The following TRMU variants were observed in gnomAD, a reference collection of about 807,000 sequenced individuals.
The protein encoded by TRMU is mitochondrial tRNA-specific 2-thiouridylase 1.
TRMU carries 49 observed loss-of-function variants against 46.9 expected under a neutral mutation model. The observed-to-expected ratio is 1.05, with a 90% CI of 0.83 to 1.33. TRMU has a LOEUF of 1.33. TRMU is among the 40% of genes most tolerant of loss of function. The probability of loss-of-function intolerance (pLI) is 0.00; values close to 1 mark genes in which losing one functional copy is unlikely to be tolerated. For synonymous variants in TRMU, 241 were observed against 200.9 expected (o/e 1.20, Z -1.69); for missense variants, 572 against 532.4 (o/e 1.07, Z -0.73).
Position 46,337,955 on chromosome 22 carries a change from G to A in TRMU, c.248+11G>A. On this transcript the variant is annotated intron_variant, in intron 2 of 10. Coordinates refer to ENST00000645190, the MANE Select transcript of TRMU (RefSeq NM_018006.5). ...GAATGATGTGTTCAGGTGAGTGCGG[G>A]TCACAGCACAAAGGAAGCTTCCTCA... 6.2e-7 allele frequency: 1 copy of A among 1,613,858 alleles called. No homozygotes were observed. Among genetic ancestry groups the A allele is most frequent in the Non-Finnish European group, 8.5e-7 (1 of 1,179,962 alleles).
intron 3 of TRMU, among the ~76,000 whole-genome samples, chr22:46,345,353 C>T (rs545051697): frequency 9.2e-5 from 14 of 152,314 alleles, no homozygotes; most frequent in Admixed American, 5.9e-4. Flanking sequence ...GGATGACAGG[C>T]GTGAGCCGCT....
At position 46,356,979 on chromosome 22, in the gene TRMU, T is replaced by C. The variant is rs758409354; in HGVS notation, c.1239T>C (p.Asp413=). Residue 413 remains aspartate (D), a synonymous_variant, in exon 11 of 11, where the codon GAT becomes GAC. Transcript: ENST00000645190. ...AGAGCCCCAGTGACAGCCCAGAAGATGGTCCAGGCCTGAGTCCCTTGCTCT... is the reference window on the plus strand; with the variant it reads ...AGAGCCCCAGTGACAGCCCAGAAGACGGTCCAGGCCTGAGTCCCTTGCTCT... ...ATESPSDSPE[D]GPGLSPLL is the part of the protein sequence containing the mutation. 1.2e-6 allele frequency: 2 copies of C among 1,613,434 alleles called. No individual in the cohort carries two copies. The highest frequency in any genetic ancestry group is 1.1e-5 in the South Asian group (1 of 91,092).
intron 8 of TRMU, 85 bp downstream of exon 8, chr22:46,353,952 C>G: frequency 7.6e-7 from 1 of 1,314,154 alleles, no homozygotes; most frequent in Non-Finnish European, 1.1e-6. Context: ...GAGAAGGCCT[C>G]CAGCAGCCGT....
rs542680643 is a variant in TRMU at position 46,341,773 on chromosome 22, GC to G, written c.249-1488del. ...TCCCATGTTCAGTCAGTCTGTTAGAGCAGAAGTTCACTGAATTAGGATAGCC... is the reference window on the plus strand; with the variant it reads ...TCCCATGTTCAGTCAGTCTGTTAGAGAGAAGTTCACTGAATTAGGATAGCC... On this transcript the variant is annotated intron_variant, in intron 2 of 10. Coordinates refer to ENST00000645190, the MANE Select transcript of TRMU (RefSeq NM_018006.5). Among the ~76,000 whole-genome samples, 941 of 152,346 alleles carry G rather than the reference GC, an allele frequency of 6.2e-3. 13 individuals carry two copies. Among genetic ancestry groups the G allele is most frequent in the African/African-American group, 0.022 (902 of 41,574 alleles).
Position 46,348,084 on chromosome 22 carries a change from G to A in TRMU, c.478+1540G>A, listed in dbSNP as rs768600213. 9.9e-5 allele frequency among the ~76,000 whole-genome samples: 15 copies of A among 151,652 alleles called. No individual in the cohort carries two copies. Among genetic ancestry groups the A allele is most frequent in the Non-Finnish European group, 2.1e-4 (14 of 67,874 alleles). Reference sequence around the variant, plus strand: ...CATGGGTTTGAATGCAGATAAGACAGCCCCCCATTTCAGGAAGACATGGGT... The same window carrying A: ...CATGGGTTTGAATGCAGATAAGACAACCCCCCATTTCAGGAAGACATGGGT... On this transcript the variant is annotated intron_variant, in intron 4 of 10. Transcript: ENST00000645190. The surrounding 1 kb of genome is among the most constrained non-coding windows in gnomAD (Gnocchi z 4.8).
chr22:46,346,314 A>G lies in TRMU; in HGVS notation c.356-108A>G, dbSNP rs1279530145. The G allele has an allele frequency of 3.6e-6, 5 of 1,396,924 alleles. No homozygotes were observed. The African/African-American group carries it at 5.8e-5, about 16-fold the overall frequency. The allele number at this position is 1,396,924 out of a possible 1,614,324, so 86.5% of individuals were successfully genotyped here. A position where few individuals can be genotyped will look rare whatever the true frequency, so the allele number is the denominator to read the frequency against. On this transcript the variant is annotated intron_variant, in intron 3 of 10. Transcript: ENST00000645190. ...TGCAGGGTGGATTGTGCAGCCCCTC[A>G]GCCTAAGACTTGGGGTCTATACTCT...
rs1340331430 is a variant in TRMU at position 46,342,685 on chromosome 22, C to T, written c.249-577C>T. On this transcript the variant is annotated intron_variant, in intron 2 of 10. Transcript: ENST00000645190. The surrounding 1 kb of genome is among the most constrained non-coding windows in gnomAD (Gnocchi z 4.7). ...AGAAAAGGTTGCAGTGGGCCAGGTG[C>T]GGTGGCTCACGCCTCTAATTCCAGC... is the stretch of plus-strand genomic sequence containing the variant. Among the ~76,000 whole-genome samples the T allele has an allele frequency of 6.6e-6, 1 of 152,186 alleles. No individual in the cohort carries two copies. Among genetic ancestry groups the T allele is most frequent in the Non-Finnish European group, 1.5e-5 (1 of 68,034 alleles).
rs576117974 is a variant in TRMU, at chr22:46,354,898, AGGGGCCTCAGAACCAACCTAGGGTATCT to A, written c.874-539_874-512del. 1,373 of 163,308 alleles carry A rather than the reference AGGGGCCTCAGAACCAACCTAGGGTATCT, an allele frequency of 8.4e-3. 12 individuals carry two copies. The highest frequency in any genetic ancestry group is 0.015 in the Non-Finnish European group (1,117 of 74,862). 10.1% of individuals were successfully genotyped at this position (163,308 alleles called of 1,614,324 possible). On this transcript the variant is annotated intron_variant, in intron 8 of 10. Coordinates refer to ENST00000645190, the MANE Select transcript of TRMU (RefSeq NM_018006.5). The stretch of plus-strand genomic sequence containing the variant: ...AGGCCATGGGTGGGTGACAGGGAGC[AGGGGCCTCAGAACCAACCTAGGGTATCT>A]GGGGCCCCCCAGACCAGGGCCAGTC...
chr22:46,345,466 C>T (rs2078228452), intron 3 of TRMU, among the ~76,000 whole-genome samples: 1 of 152,172 alleles, frequency 6.6e-6, no homozygotes, highest in South Asian at 2.1e-4. Flanking sequence ...AAAGAAGAAA[C>T]AGTGTGCTGG....
Position 46,349,079 on chromosome 22 carries a change from C to T in TRMU, c.479-1212C>T, listed in dbSNP as rs1174157292. Among the ~76,000 whole-genome samples, 1 of 151,896 alleles carries T rather than the reference C, an allele frequency of 6.6e-6. No individual in the cohort carries two copies. The highest frequency in any genetic ancestry group is 6.6e-5 in the Admixed American group (1 of 15,256). Reference sequence around the variant, plus strand: ...ACTTGAACCCAGGAGGCGGAGATTGCCGTGAGCCGAGATGTGCCACTGCAC... The same window carrying T: ...ACTTGAACCCAGGAGGCGGAGATTGTCGTGAGCCGAGATGTGCCACTGCAC... On this transcript the variant is annotated intron_variant, in intron 4 of 10. Coordinates refer to ENST00000645190, the MANE Select transcript of TRMU (RefSeq NM_018006.5). This position sits in a 1 kb window ranked among gnomAD's most constrained non-coding sequence, Gnocchi z 4.6.
intron 3 of TRMU, among the ~76,000 whole-genome samples, chr22:46,344,752 T>C (rs1221376575): frequency 6.6e-6 from 1 of 152,238 alleles, no homozygotes; most frequent in Non-Finnish European, 1.5e-5. Flanking sequence ...ACGCCCAGAC[T>C]TCTGAACTCA....
intron 1 of TRMU, 49 bp from the exon 2 acceptor site, chr22:46,337,722 GCCGTTTTA>G: frequency 3.1e-6 from 5 of 1,605,398 alleles, no homozygotes. Flanking sequence ...AGAAATCACT[GCCGTTTTA>G]CCGAAGGTTG....
At chr22:46,352,052 G>T in intron 5 of TRMU, 69 bp from the exon 6 acceptor site, 1 of 1,573,714 alleles carries the variant, frequency 6.4e-7, no homozygotes. Flanking sequence ...GGCCCGCTCA[G>T]GACGTCTGGG....
rs776337937 is a variant in TRMU at position 46,356,813 on chromosome 22, C to T, written c.1102-29C>T. Reference sequence around the variant, plus strand: ...TGCCCTCGGCTGGCTCCCTGTGGCACCCCTGATGCCAGGGTCTCTCCCCTA... The same window carrying T: ...TGCCCTCGGCTGGCTCCCTGTGGCATCCCTGATGCCAGGGTCTCTCCCCTA... On this transcript the variant is annotated intron_variant, in intron 10 of 10. Transcript: ENST00000645190. The T allele has an allele frequency of 4.3e-6, 7 of 1,611,578 alleles. No homozygotes were observed. In the East Asian group the frequency reaches 1.6e-4, roughly 36 times the overall value.
At chr22:46,341,819 A>C (rs1423592504) in intron 2 of TRMU, among the ~76,000 whole-genome samples, 1 of 152,208 alleles carries the variant, frequency 6.6e-6, no homozygotes, top group Non-Finnish European at 1.5e-5. Context: ...TTAAGCACCC[A>C]AGAGTTTGCT....
At position 46,342,672 on chromosome 22, in the gene TRMU, AG is replaced by A. The variant is rs1398144900; in HGVS notation, c.249-589del. Among the ~76,000 whole-genome samples the A allele has an allele frequency of 5.9e-5, 9 of 152,214 alleles. No individual in the cohort carries two copies. Among genetic ancestry groups the A allele is most frequent in the Non-Finnish European group, 7.3e-5 (5 of 68,042 alleles). On this transcript the variant is annotated intron_variant, in intron 2 of 10. Coordinates refer to ENST00000645190, the MANE Select transcript of TRMU (RefSeq NM_018006.5). The surrounding 1 kb of genome is among the most constrained non-coding windows in gnomAD (Gnocchi z 4.7). The stretch of plus-strand genomic sequence containing the variant: ...TCTCTATAAAAAAAGAAAAGGTTGC[AG>A]TGGGCCAGGTGCGGTGGCTCACGCC...
rs116311581 is a variant in TRMU, at chr22:46,344,555, T to G, written c.355+1187T>G. On this transcript the variant is annotated intron_variant, in intron 3 of 10. Coordinates refer to ENST00000645190, the MANE Select transcript of TRMU (RefSeq NM_018006.5). The stretch of plus-strand genomic sequence containing the variant: ...TGGCAGGAGAAAGAGTTCCCTGAGG[T>G]GGAGGCGCAGGCAGCTGTTCAGGAA... Among the ~76,000 whole-genome samples the G allele has an allele frequency of 5.8e-3, 877 of 152,100 alleles. 19 individuals carry two copies. In the East Asian group the frequency reaches 0.088, roughly 15 times the overall value.
chr22:46,346,264 G>A (rs1446031978), intron 3 of TRMU, among the ~76,000 whole-genome samples, 158 bp from the exon 4 acceptor site: 1 of 152,230 alleles, frequency 6.6e-6, no homozygotes, highest in Non-Finnish European at 1.5e-5. Context: ...GTGTGCGTCT[G>A]TTCCCTGGGA....
At position 46,335,803 on chromosome 22, in the gene TRMU, C is replaced by T. The variant is rs762544346; in HGVS notation, c.39C>T (p.Gly13=). The T allele has an allele frequency of 6.8e-5, 107 of 1,562,112 alleles. 1 individual carries two copies. Among genetic ancestry groups the T allele is most frequent in the Non-Finnish European group, 8.7e-5 (101 of 1,159,066 alleles). Residue 13 remains glycine (G), a synonymous_variant, in exon 1 of 11, where the codon GGC becomes GGT. Transcript: ENST00000645190. ...GGCACGTCGTGTGCGCCCTGTCCGGCGGCGTGGACAGCGCCGTGGCCGCGC... is the reference window on the plus strand; with the variant it reads ...GGCACGTCGTGTGCGCCCTGTCCGGTGGCGTGGACAGCGCCGTGGCCGCGC... ...ALRHVVCALS[G]GVDSAVAALL...
Sources: gnomAD v4.1 joint callset for allele counts (sites outside exome capture counted in the v4.1 genomes callset) on GRCh38, gnomAD v4.1.1 for gene constraint, Gnocchi (gnomAD v3.1) non-coding constraint, MANE v1.5 for transcripts, NCBI Gene and HGNC (gene_info 2026-07-23, HGNC 2026-07-21) for gene names.